Variants in GRM8 observed in about 807,000 individuals in gnomAD.
GRM8 encodes metabotropic glutamate receptor 8.
GRM8 carries 47 observed loss-of-function variants against 87.2 expected under a neutral mutation model. The observed-to-expected ratio is 0.54, with a 90% CI of 0.43 to 0.69. GRM8 has a LOEUF of 0.69. GRM8 is among the 30% of genes least tolerant of loss of function. The pLI is 0.00. For missense variants in GRM8, 1,019 were observed against 1,139.2 expected (o/e 0.89, Z 1.52); for synonymous variants, 396 against 404.5 (o/e 0.98, Z 0.25).
At chr7:127,179,884 T>C (rs1794335562) in intron 2 of GRM8, among the ~76,000 whole-genome samples, 1 of 152,034 alleles carries the variant, frequency 6.6e-6, no homozygotes, top group South Asian at 2.1e-4. Flanking sequence ...CCTAAGCACC[T>C]ATATCAAAAA....
chr7:126,593,357 C>G (rs1796870164), intron 8 of GRM8, among the ~76,000 whole-genome samples: 1 of 151,900 alleles, frequency 6.6e-6, no homozygotes, highest in East Asian at 1.9e-4. Flanking sequence ...TTAAAATGTA[C>G]AACAAAGCTA....
chr7:126,946,433 T>C (rs1050088649), intron 3 of GRM8, among the ~76,000 whole-genome samples: 2 of 152,082 alleles, frequency 1.3e-5, no homozygotes, highest in African/African-American at 4.8e-5. Flanking sequence ...CCTAATAAAT[T>C]GAGGCTCCAA....
At chr7:126,526,388 G>GGAT (rs1420392493) in intron 9 of GRM8, among the ~76,000 whole-genome samples, 165 of 152,236 alleles carry the variant, frequency 1.1e-3, no homozygotes, top group African/African-American at 3.9e-3. Context: ...ATCATATTCA[G>GGAT]AAAGTTCAAC....
At chr7:127,150,079 C>A (rs563624118) in intron 2 of GRM8, among the ~76,000 whole-genome samples, 1 of 152,132 alleles carries the variant, frequency 6.6e-6, no homozygotes, top group African/African-American at 2.4e-5. Context: ...TAATTTGCTT[C>A]ACTATAGTAA....
intron 7 of GRM8, among the ~76,000 whole-genome samples, chr7:126,715,034 A>G (rs1475356181): frequency 1.3e-5 from 2 of 152,212 alleles, no homozygotes; most frequent in African/African-American, 4.8e-5. Flanking sequence ...TATGGTACAT[A>G]TCAAGCAAGC....
intron 6 of GRM8, among the ~76,000 whole-genome samples, chr7:126,826,124 T>G (rs1329691535): frequency 6.6e-6 from 1 of 152,190 alleles, no homozygotes; most frequent in Non-Finnish European, 1.5e-5. Flanking sequence ...CTATCATTGT[T>G]GGACATTTGG....
chr7:126,779,394 A>G (rs1819822808), intron 6 of GRM8, among the ~76,000 whole-genome samples: 1 of 152,030 alleles, frequency 6.6e-6, no homozygotes, highest in African/African-American at 2.4e-5. Flanking sequence ...CCAATGCTAC[A>G]TTTTTATGAT....
chr7:126,825,201 G>A (rs1051987145), intron 6 of GRM8, among the ~76,000 whole-genome samples: 2 of 151,886 alleles, frequency 1.3e-5, no homozygotes, highest in Admixed American at 6.6e-5. Flanking sequence ...TGAGTAGCTG[G>A]GACTAAAAAT....
At position 126,581,559 on chromosome 7, in the gene GRM8, C is replaced by T. The variant is rs547559275; in HGVS notation, c.1494+27803G>A. ...TATACCTGAGGTCTAATACATCTACCTTCAAACATAAAACTGTTTACTCTA... is the reference window on the plus strand; with the variant it reads ...TATACCTGAGGTCTAATACATCTACTTTCAAACATAAAACTGTTTACTCTA... On this transcript the variant is annotated intron_variant, in intron 8 of 10. Coordinates refer to ENST00000339582, the MANE Select transcript of GRM8 (RefSeq NM_000845.3). Among the ~76,000 whole-genome samples, 5 of 152,168 alleles carry T rather than the reference C, an allele frequency of 3.3e-5. No individual in the cohort carries two copies. The South Asian group carries it at 6.2e-4, about 19-fold the overall frequency.
intron 6 of GRM8, among the ~76,000 whole-genome samples, chr7:126,799,476 C>A (rs1271191087): frequency 6.6e-6 from 1 of 152,078 alleles, no homozygotes; most frequent in Admixed American, 6.6e-5. Context: ...ATAATGTAGA[C>A]ATGATGATAT....
At chr7:127,187,853 C>T (rs535292727) in intron 2 of GRM8, among the ~76,000 whole-genome samples, 92 of 152,286 alleles carry the variant, frequency 6.0e-4, no homozygotes, top group African/African-American at 2.1e-3. Flanking sequence ...TGTACTCAGA[C>T]CTGTTTTCTC....
intron 6 of GRM8, among the ~76,000 whole-genome samples, chr7:126,900,707 A>C (rs997389614): frequency 6.6e-6 from 1 of 151,996 alleles, no homozygotes; most frequent in Non-Finnish European, 1.5e-5. Flanking sequence ...ATGGGTTTTC[A>C]CCATGTTGCC....
intron 8 of GRM8, among the ~76,000 whole-genome samples, chr7:126,537,701 C>T (rs565343444): frequency 5.9e-5 from 9 of 151,992 alleles, no homozygotes; most frequent in Non-Finnish European, 1.2e-4. Flanking sequence ...GCTGTGAACC[C>T]GGGAGGCGGA....
intron 7 of GRM8, among the ~76,000 whole-genome samples, chr7:126,638,609 G>A (rs1166322965): frequency 6.6e-6 from 1 of 152,168 alleles, no homozygotes; most frequent in Non-Finnish European, 1.5e-5. Flanking sequence ...AGTCACTAGA[G>A]AATGGAATGG....
chr7:126,464,807 C>T (rs1804306518), intron 9 of GRM8, among the ~76,000 whole-genome samples: 1 of 151,712 alleles, frequency 6.6e-6, no homozygotes, highest in East Asian at 1.9e-4. Flanking sequence ...CATCCCCCCA[C>T]TTTTGAGGTT....
intron 7 of GRM8, among the ~76,000 whole-genome samples, chr7:126,707,296 AT>A (rs573615203): frequency 2.6e-5 from 4 of 151,602 alleles, no homozygotes; most frequent in Non-Finnish European, 4.4e-5. Flanking sequence ...GTGTACAAGT[AT>A]TTTTTTTTAA....
rs1385037322 is a variant in GRM8 at position 126,534,137 on chromosome 7, T to C, written c.1495-250A>G. Among the ~76,000 whole-genome samples the C allele has an allele frequency of 2.0e-5, 3 of 151,996 alleles. No individual in the cohort carries two copies. The East Asian group carries it at 5.8e-4, about 29-fold the overall frequency. ...CATTTACCTCCTCATTGCTGACCAA[T>C]GTGACATCTGGAGAGAGATTTATTG... On this transcript the variant is annotated intron_variant, in intron 8 of 10. Transcript: ENST00000339582.
intron 6 of GRM8, among the ~76,000 whole-genome samples, chr7:126,794,080 C>A (rs937507761): frequency 4.0e-5 from 6 of 151,730 alleles, no homozygotes; most frequent in Non-Finnish European, 8.8e-5. Flanking sequence ...AGAAAAATAT[C>A]GATTTGAAAC....
intron 10 of GRM8, among the ~76,000 whole-genome samples, chr7:126,439,974 T>C (rs1801272757): frequency 6.6e-6 from 1 of 152,088 alleles, no homozygotes; most frequent in African/African-American, 2.4e-5. Context: ...AATGTGTTTG[T>C]GTTTTAAGTT....
Sources: allele counts gnomAD v4.1 joint callset (sites outside exome capture counted in the v4.1 genomes callset), GRCh38; gene constraint gnomAD v4.1.1; transcripts MANE v1.5; gene names NCBI Gene and HGNC (gene_info 2026-07-23, HGNC 2026-07-21).